MET: variants seen among roughly 807,000 people sequenced by gnomAD.
MET encodes hepatocyte growth factor receptor.
Under a neutral mutation model 133.1 loss-of-function variants are expected in MET, and 48 were observed. The ratio of observed to expected loss-of-function variants is 0.36; its 90% confidence interval spans 0.29 to 0.46. The LOEUF (loss-of-function observed/expected upper bound fraction) is 0.46. Among genes scored for constraint, MET ranks in the 20% least tolerant of loss-of-function variants. MET has a pLI of 1.00. For synonymous variants in MET, 628 were observed against 616.5 expected (o/e 1.02, Z -0.28); for missense variants, 1,442 against 1,695.9 (o/e 0.85, Z 2.63).
Position 116,793,821 on chromosome 7 carries a change from C to T in MET, c.3799-1834C>T, listed in dbSNP as rs938730378. On this transcript the variant is annotated intron_variant, in intron 19 of 20. Coordinates refer to ENST00000397752, the MANE Select transcript of MET (RefSeq NM_000245.4). ...GGCTGAGGCAGGAGAATCGCTTGAA[C>T]CCGGGAGGAAGAGGTTGCAGTACAC... 5.6e-4 allele frequency among the ~76,000 whole-genome samples: 85 copies of T among 152,142 alleles called. 2 individuals are homozygous for T. The highest frequency in any genetic ancestry group is 1.9e-3 in the African/African-American group (79 of 41,504).
At position 116,740,040 on chromosome 7, in the gene MET, A is replaced by G. The variant is rs1793383674; in HGVS notation, c.1483A>G (p.Thr495Ala). 6.2e-7 allele frequency: 1 copy of G among 1,614,144 alleles called. No homozygotes were observed. Among genetic ancestry groups the G allele is most frequent in the Non-Finnish European group, 8.5e-7 (1 of 1,179,996 alleles). ...GTCTCCAGAAGTGATTGTGGAGCAT[A>G]CATTAAACCAAAATGGCTACACACT... ...PVSPEVIVEH[T>A]LNQNGYTLVI... The change falls in exon 4 of 21, where the codon ACA becomes GCA. Residue 495 changes from threonine (T) to alanine (A), a missense_variant. Coordinates refer to ENST00000397752, the MANE Select transcript of MET (RefSeq NM_000245.4).
At chr7:116,783,844 C>G (rs189209962) in intron 19 of MET, among the ~76,000 whole-genome samples, 2 of 152,312 alleles carry the variant, frequency 1.3e-5, no homozygotes, top group East Asian at 1.9e-4. Context: ...AATTCCACAT[C>G]AAGAAATCTG....
In MET at chr7:116,699,470, A is replaced by G; in HGVS notation, c.386A>G (p.Gln129Arg). Residue 129 changes from glutamine to arginine, a missense_variant, in exon 2 of 21, where the codon CAA (glutamine) becomes CGA (arginine). By Grantham distance (43) the Gln-to-Arg change is conservative. Around this residue, in one of 6 missense-constraint regions of MET, gnomAD observed 762 missense variants for 792.4 expected, o/e 0.96. Coordinates refer to ENST00000397752, the MANE Select transcript of MET (RefSeq NM_000245.4). ...GTTGTCGACACCTACTATGATGATC[A>G]ACTCATTAGCTGTGGCAGCGTCAAC... is the stretch of plus-strand genomic sequence containing the variant. ...ALVVDTYYDD[Q>R]LISCGSVNRG... The G allele has an allele frequency of 6.2e-7, 1 of 1,614,048 alleles. No homozygotes were observed. Among genetic ancestry groups the G allele is most frequent in the Non-Finnish European group, 8.5e-7 (1 of 1,179,942 alleles).
chr7:116,713,122 G>A lies in MET; in HGVS notation c.1200+12838G>A, dbSNP rs548953381. On this transcript the variant is annotated intron_variant, in intron 2 of 20. Transcript: ENST00000397752. ...ATGGGTTAAGGAAAAGAGGCCGGGC[G>A]CGGTGGCTCACGCCTGTAATCCCAG... Among the ~76,000 whole-genome samples the A allele has an allele frequency of 1.1e-4, 16 of 152,288 alleles. No individual in the cohort carries two copies. The South Asian group carries it at 3.1e-3, about 30-fold the overall frequency.
chr7:116,753,588 A>G (rs563592976), intron 5 of MET, among the ~76,000 whole-genome samples: 11 of 152,352 alleles, frequency 7.2e-5, no homozygotes, highest in African/African-American at 2.4e-4. Flanking sequence ...TTTGCTTAAC[A>G]TCAACCATCA....
At chr7:116,749,201 C>T (rs1421980959) in intron 5 of MET, among the ~76,000 whole-genome samples, 3 of 152,078 alleles carry the variant, frequency 2.0e-5, no homozygotes, top group African/African-American at 7.2e-5. Context: ...TCGATGTGAA[C>T]ATCCTCAATA....
At chr7:116,746,801 A>T (rs983836319) in intron 5 of MET, among the ~76,000 whole-genome samples, 2 of 151,718 alleles carry the variant, frequency 1.3e-5, no homozygotes, top group African/African-American at 4.8e-5. Flanking sequence ...GAGGGGGGAG[A>T]GTTAGCATTA....
chr7:116,694,934 C>T (rs1440009774), intron 1 of MET, among the ~76,000 whole-genome samples: 1 of 152,166 alleles, frequency 6.6e-6, no homozygotes, highest in Admixed American at 6.5e-5. Context: ...ATCCACCCAC[C>T]TCTGCCTCCC....
At chr7:116,773,680 A>G (rs1050805255) in intron 14 of MET, among the ~76,000 whole-genome samples, 3 of 152,142 alleles carry the variant, frequency 2.0e-5, no homozygotes, top group Admixed American at 2.0e-4. Flanking sequence ...TACTTCACTG[A>G]TGTTCCACAT....
chr7:116,729,669 A>C (rs1792921436), intron 2 of MET, among the ~76,000 whole-genome samples: 1 of 152,178 alleles, frequency 6.6e-6, no homozygotes, highest in South Asian at 2.1e-4. Flanking sequence ...CATTTTCCTT[A>C]ATACTTTCTC....
At position 116,731,826 on chromosome 7, in the gene MET, T is replaced by C. The variant is rs755985210; in HGVS notation, c.1359T>C (p.Ala453=). 7 of 1,614,010 alleles carry C rather than the reference T, an allele frequency of 4.3e-6. No homozygotes were observed. In the African/African-American group the frequency reaches 9.3e-5, roughly 22 times the overall value. Residue 453 remains alanine (A), a synonymous_variant, in exon 3 of 21, where the codon GCT becomes GCC. Transcript: ENST00000397752. ...STFIKGDLTI[A]NLGTSEGRFM... The stretch of plus-strand genomic sequence containing the variant: ...TCATTAAAGGAGACCTCACCATAGC[T>C]AATCTTGGGACATCAGAGGGTCGCT...
intron 2 of MET, among the ~76,000 whole-genome samples, chr7:116,703,065 A>C (rs954819857): frequency 1.3e-5 from 2 of 152,174 alleles, no homozygotes; most frequent in African/African-American, 4.8e-5. Context: ...CTTTTGAGTC[A>C]TTTGATAATT....
intron 5 of MET, among the ~76,000 whole-genome samples, chr7:116,749,388 G>C (rs1793829066): frequency 1.3e-5 from 2 of 152,276 alleles, no homozygotes; most frequent in South Asian, 4.1e-4. Context: ...TGCAGAAAAG[G>C]CCTTCGATAA....
rs1554388638 is a variant in MET at position 116,731,708 on chromosome 7, A to C, written c.1241A>C (p.Asp414Ala). The change falls in exon 3 of 21, where the codon GAT (aspartate) becomes GCT (alanine). Residue 414 changes from aspartate to alanine, a missense_variant. Transcript: ENST00000397752. Reference protein sequence around the residue: ...RNSSGCEARRDEYRTEFTTAL... With the variant: ...RNSSGCEARRAEYRTEFTTAL... ...TCATCAGGCTGTGAAGCGCGCCGTGATGAATATCGAACAGAGTTTACCACA... is the reference window on the plus strand; with the variant it reads ...TCATCAGGCTGTGAAGCGCGCCGTGCTGAATATCGAACAGAGTTTACCACA... The C allele has an allele frequency of 1.2e-6, 2 of 1,614,012 alleles. No homozygotes were observed. The highest frequency in any genetic ancestry group is 3.3e-5 in the Admixed American group (2 of 59,986).
intron 2 of MET, among the ~76,000 whole-genome samples, chr7:116,716,647 T>C (rs538098468): frequency 2.6e-5 from 4 of 152,276 alleles, no homozygotes; most frequent in African/African-American, 9.6e-5. Flanking sequence ...GAAATCAGTT[T>C]GGAGAGAAAA....
Position 116,677,003 on chromosome 7 carries a change from T to TTTTTG in MET, c.-15+4452_-15+4456dup, listed in dbSNP as rs796135481. Among the ~76,000 whole-genome samples the TTTTTG allele has an allele frequency of 5.1e-3, 774 of 151,968 alleles. 14 individuals are homozygous for TTTTTG. In the East Asian group the frequency reaches 0.079, roughly 15 times the overall value. ...GTGTTGTTTTGTTTTTTTTTTTGTT[T>TTTTTG]TTTTGTTTTGTTTTGTTTTGTTTTG... On this transcript the variant is annotated intron_variant, in intron 1 of 20. Coordinates refer to ENST00000397752, the MANE Select transcript of MET (RefSeq NM_000245.4).
At chr7:116,693,828 C>T (rs761916998) in intron 1 of MET, among the ~76,000 whole-genome samples, 5 of 152,126 alleles carry the variant, frequency 3.3e-5, no homozygotes, top group East Asian at 1.9e-4. Flanking sequence ...GGGCCATGTA[C>T]GAACAATAGA....
At chr7:116,676,997 T>G (rs1454902932) in intron 1 of MET, among the ~76,000 whole-genome samples, 2 of 151,536 alleles carry the variant, frequency 1.3e-5, no homozygotes, top group South Asian at 2.1e-4. Flanking sequence ...TGTTTTTTTT[T>G]TTGTTTTTTT....
At chr7:116,764,066 A>T (rs1490367520) in intron 11 of MET, among the ~76,000 whole-genome samples, 5 of 152,240 alleles carry the variant, frequency 3.3e-5, no homozygotes, top group African/African-American at 1.2e-4. Context: ...TGCAAATATG[A>T]ACAAACATAA....
Sources: gnomAD v4.1 joint callset for allele counts (sites outside exome capture counted in the v4.1 genomes callset) on GRCh38, gnomAD v4.1.1 for gene constraint, gnomAD v4.1.1 regional missense constraint, MANE v1.5 for transcripts, NCBI Gene and HGNC (gene_info 2026-07-23, HGNC 2026-07-21) for gene names.